CCDC141: variants seen among roughly 807,000 people sequenced by gnomAD.
CCDC141 encodes coiled-coil domain-containing protein 141.
Under a neutral mutation model 181.0 loss-of-function variants are expected in CCDC141, and 168 were observed. That is an observed-to-expected ratio of 0.93 (90% CI 0.82 to 1.05). The LOEUF is 1.05. Ranked by LOEUF, CCDC141 falls within the 50% of genes least tolerant of loss-of-function variation. CCDC141 has a pLI of 0.00. For missense variants in CCDC141, 1,902 were observed against 1,788.5 expected, an observed-to-expected ratio of 1.06 and a Z score of -1.14; for synonymous variants, 666 against 642.3, an observed-to-expected ratio of 1.04 and a Z score of -0.56.
intron 2 of CCDC141, among the ~76,000 whole-genome samples, chr2:179,035,758 A>G (rs1312848841): frequency 6.6e-6 from 1 of 152,212 alleles, no homozygotes; most frequent in East Asian, 1.9e-4. Context: ...TTCAGGAAGT[A>G]AAAGCAGCCA....
intron 6 of CCDC141, among the ~76,000 whole-genome samples, chr2:178,931,317 C>T (rs1689087072): frequency 6.6e-6 from 1 of 152,018 alleles, no homozygotes. Flanking sequence ...AATTCTACTC[C>T]TAGGTATTAC....
rs115442715 is a variant in CCDC141, at chr2:178,927,564, G to A, written c.898-8657C>T. On this transcript the variant is annotated intron_variant, in intron 6 of 23. Transcript: ENST00000443758. ...GTGTTATCAAGAGAATGTGGAGGAC[G>A]ATTCTGGATCATAGAGCAATGGAGC... is the stretch of plus-strand genomic sequence containing the variant. Among the ~76,000 whole-genome samples, 1,163 of 152,098 alleles carry A rather than the reference G, an allele frequency of 7.6e-3. 21 individuals are homozygous for A. The highest frequency in any genetic ancestry group is 0.025 in the African/African-American group (1,057 of 41,502).
intron 2 of CCDC141, among the ~76,000 whole-genome samples, chr2:179,009,148 C>T (rs75356330): frequency 0.01 from 1,546 of 152,274 alleles, 19 homozygotes; most frequent in African/African-American, 0.036. Flanking sequence ...TCTAATATAC[C>T]TGGCAAAATC....
intron 5 of CCDC141, among the ~76,000 whole-genome samples, chr2:178,953,215 T>C (rs1024377160): frequency 6.6e-6 from 1 of 152,126 alleles, no homozygotes; most frequent in Non-Finnish European, 1.5e-5. Context: ...GGCAGGCGGA[T>C]CACAATGTCA....
intron 8 of CCDC141, among the ~76,000 whole-genome samples, chr2:178,890,279 CCA>C (rs1374657313): frequency 2.0e-5 from 3 of 152,084 alleles, no homozygotes; most frequent in Non-Finnish European, 4.4e-5. Flanking sequence ...GTGCCCACTC[CCA>C]CCTCTGAGTT....
intron 2 of CCDC141, among the ~76,000 whole-genome samples, chr2:178,997,180 C>T (rs1692326772): frequency 6.6e-6 from 1 of 152,134 alleles, no homozygotes; most frequent in African/African-American, 2.4e-5. Flanking sequence ...CGTGATACTT[C>T]TTCAGCCTTG....
the CCDC141 span, among the ~76,000 whole-genome samples, chr2:178,817,978 T>C: frequency 7.2e-5 from 11 of 152,126 alleles, no homozygotes; most frequent in Non-Finnish European, 1.6e-4. Context: ...AATTTTTGTA[T>C]TTTTAGTAGA....
Position 178,892,046 on chromosome 2 carries a change from G to A in CCDC141, c.1266-3378C>T, listed in dbSNP as rs76997439. Among the ~76,000 whole-genome samples, 18 of 152,216 alleles carry A rather than the reference G, an allele frequency of 1.2e-4. No homozygotes were observed. The South Asian group carries it at 1.5e-3, about 12-fold the overall frequency. ...CAAAAAGATTGAGAAGAACATATGCGCAGTTACCATATTTGAAATGTCGTA... is the reference window on the plus strand; with the variant it reads ...CAAAAAGATTGAGAAGAACATATGCACAGTTACCATATTTGAAATGTCGTA... On this transcript the variant is annotated intron_variant, in intron 8 of 23. Coordinates refer to ENST00000443758, the MANE Select transcript of CCDC141 (RefSeq NM_173648.4).
intron 2 of CCDC141, among the ~76,000 whole-genome samples, chr2:178,984,607 A>G (rs1479349640): frequency 2.0e-5 from 3 of 150,020 alleles, no homozygotes; most frequent in South Asian, 2.2e-4. Flanking sequence ...CTCAAAATAA[A>G]AGGATGGAGG....
At chr2:178,994,015 C>T (rs1171931852) in intron 2 of CCDC141, among the ~76,000 whole-genome samples, 1 of 152,194 alleles carries the variant, frequency 6.6e-6, no homozygotes, top group Non-Finnish European at 1.5e-5. Flanking sequence ...GTACAACCTC[C>T]CTCCTGGCTG....
chr2:179,012,207 TA>T (rs1194709090), intron 2 of CCDC141, among the ~76,000 whole-genome samples: 1 of 151,720 alleles, frequency 6.6e-6, no homozygotes, highest in Non-Finnish European at 1.5e-5. Context: ...AAAAGGTAAA[TA>T]AAATTGATCG....
At chr2:178,824,061 A>AACACACACACACACACACAC in the CCDC141 span, among the ~76,000 whole-genome samples, 2 of 147,428 alleles carry the variant, frequency 1.4e-5, no homozygotes, top group Non-Finnish European at 3.0e-5. Flanking sequence ...TACAGAGAAA[A>AACACACACACACACACACAC]ACACACACAC....
At chr2:178,823,924 C>G in the CCDC141 span, among the ~76,000 whole-genome samples, 1 of 151,990 alleles carries the variant, frequency 6.6e-6, no homozygotes, top group African/African-American at 2.4e-5. Flanking sequence ...AAGCTTATTT[C>G]TTCATCAAAT....
intron 17 of CCDC141, among the ~76,000 whole-genome samples, chr2:178,865,235 T>C (rs939906234): frequency 6.6e-6 from 1 of 152,214 alleles, no homozygotes; most frequent in African/African-American, 2.4e-5. Flanking sequence ...TGAATAAATA[T>C]GAAACCAGCC....
chr2:178,966,721 G>C (rs1690651238), intron 4 of CCDC141, among the ~76,000 whole-genome samples: 1 of 152,030 alleles, frequency 6.6e-6, no homozygotes, highest in African/African-American at 2.4e-5. Flanking sequence ...CTCCTCACCA[G>C]CAAGGGAACA....
At chr2:178,850,968 G>C (rs1561634494) in intron 20 of CCDC141, among the ~76,000 whole-genome samples, 1 of 152,154 alleles carries the variant, frequency 6.6e-6, no homozygotes, top group Non-Finnish European at 1.5e-5. Context: ...CACTTTGGGA[G>C]ACCGAGGTGG....
At chr2:178,993,020 C>G (rs1211996036) in intron 2 of CCDC141, among the ~76,000 whole-genome samples, 2 of 152,166 alleles carry the variant, frequency 1.3e-5, no homozygotes, top group African/African-American at 4.8e-5. Context: ...AAACCTCTTT[C>G]CTTTATAAAT....
Position 178,981,636 on chromosome 2 carries a change from G to GTATATATATA in CCDC141, c.226-2971_226-2962dup, listed in dbSNP as rs1193430874. The stretch of plus-strand genomic sequence containing the variant: ...TTTGTAGCATTGAATGTGTGTGTGT[G>GTATATATATA]TATATATATATATATATATATACAT... On this transcript the variant is annotated intron_variant, in intron 2 of 23. Transcript: ENST00000443758. Among the ~76,000 whole-genome samples the GTATATATATA allele has an allele frequency of 3.1e-3, 191 of 62,308 alleles. 6 individuals are homozygous for GTATATATATA. Among genetic ancestry groups the GTATATATATA allele is most frequent in the Middle Eastern group, 8.5e-3 (1 of 118 alleles). The allele number at this position is 62,308 out of a possible 152,430, so 40.9% of individuals were successfully genotyped here. A position where few individuals can be genotyped will look rare whatever the true frequency, so the allele number is the denominator to read the frequency against.
intron 2 of CCDC141, among the ~76,000 whole-genome samples, chr2:179,009,672 GT>G (rs2042211788): frequency 8.7e-6 from 1 of 114,690 alleles, no homozygotes; most frequent in African/African-American, 3.4e-5. Context: ...AGTGGCAGGG[GT>G]GGGGGGTGGG....
Sources: allele counts gnomAD v4.1 joint callset (sites outside exome capture counted in the v4.1 genomes callset), GRCh38; gene constraint gnomAD v4.1.1; transcripts MANE v1.5; gene names NCBI Gene and HGNC (gene_info 2026-07-23, HGNC 2026-07-21).